The following NRXN3 variants were observed in gnomAD, a reference collection of about 807,000 sequenced individuals.
NRXN3 encodes neurexin III.
In NRXN3, 32 loss-of-function variants were observed where a neutral mutation model predicts 137.6. The ratio of observed to expected loss-of-function variants is 0.23; its 90% CI spans 0.18 to 0.31. NRXN3 has a LOEUF of 0.31. Ranked by LOEUF, NRXN3 falls within the 10% of genes least tolerant of loss-of-function variation. The pLI is 1.00. For missense variants in NRXN3, 1,574 were observed against 2,062.5 expected (o/e 0.76, Z 4.59); for synonymous variants, 798 against 784.5 (o/e 1.02, Z -0.29).
At chr14:79,661,137 C>T (rs1239433770) in intron 16 of NRXN3, among the ~76,000 whole-genome samples, 1 of 152,068 alleles carries the variant, frequency 6.6e-6, no homozygotes, top group Non-Finnish European at 1.5e-5. Context: ...TATATGCATG[C>T]ATATTTTAAA....
chr14:78,417,462 C>T (rs1033540868), intron 4 of NRXN3, among the ~76,000 whole-genome samples: 2 of 152,090 alleles, frequency 1.3e-5, no homozygotes, highest in African/African-American at 4.8e-5. Context: ...TGAGTCTCTC[C>T]CCTCATCATT....
intron 10 of NRXN3, among the ~76,000 whole-genome samples, chr14:78,891,611 A>C (rs2099159261): frequency 6.6e-6 from 1 of 151,976 alleles, no homozygotes; most frequent in Non-Finnish European, 1.5e-5. Context: ...ATTCACCACA[A>C]ATGAACACAG....
intron 4 of NRXN3, among the ~76,000 whole-genome samples, chr14:78,418,781 C>A (rs1304757148): frequency 2.0e-5 from 3 of 152,166 alleles, no homozygotes; most frequent in Admixed American, 6.5e-5. Context: ...ATGCCAGGCA[C>A]CATGCCAAGC....
At chr14:78,257,631 T>A (rs1203439717) in intron 2 of NRXN3, among the ~76,000 whole-genome samples, 3 of 152,244 alleles carry the variant, frequency 2.0e-5, no homozygotes, top group African/African-American at 4.8e-5. Context: ...GCTTGCTGTT[T>A]CCAGCTGTTT....
intron 8 of NRXN3, among the ~76,000 whole-genome samples, chr14:78,748,120 A>G (rs546182493): frequency 1.3e-5 from 2 of 152,246 alleles, no homozygotes; most frequent in East Asian, 3.9e-4. Flanking sequence ...TTTACTGAGT[A>G]TCTACTCTCT....
chr14:79,422,390 A>G (rs2095591250), intron 15 of NRXN3, among the ~76,000 whole-genome samples: 1 of 152,108 alleles, frequency 6.6e-6, no homozygotes. Flanking sequence ...AAGCTACTCC[A>G]TTCATTTGCT....
chr14:78,831,542 A>AC, intron 10 of NRXN3, among the ~76,000 whole-genome samples: 1 of 150,278 alleles, frequency 6.7e-6, no homozygotes, highest in African/African-American at 2.4e-5. Flanking sequence ...GTCAAAAAAA[A>AC]AAAAAAAAAA....
intron 15 of NRXN3, among the ~76,000 whole-genome samples, chr14:79,118,629 T>C (rs555514977): frequency 2.6e-4 from 39 of 152,378 alleles, no homozygotes; most frequent in Non-Finnish European, 4.3e-4. Context: ...TTTATTGTTA[T>C]AAACCATTTT....
intron 4 of NRXN3, among the ~76,000 whole-genome samples, chr14:78,484,973 A>G (rs529608329): frequency 2.0e-5 from 3 of 152,324 alleles, no homozygotes; most frequent in African/African-American, 7.2e-5. Context: ...CCTTGCCAGC[A>G]CACTCCTTTG....
intron 16 of NRXN3, among the ~76,000 whole-genome samples, chr14:79,541,175 C>T (rs1218649439): frequency 6.6e-6 from 1 of 152,120 alleles, no homozygotes. Context: ...CTTTGGGAGG[C>T]CAAGGCAGGC....
In NRXN3 at chr14:79,519,768, C is replaced by CTTTT. The variant is rs200757761; in HGVS notation, c.3444+52381_3444+52384dup. Among the ~76,000 whole-genome samples the CTTTT allele has an allele frequency of 4.8e-3, 569 of 119,340 alleles. 15 individuals carry two copies. In the South Asian group the frequency reaches 0.068, roughly 14 times the overall value. 78.3% of individuals were successfully genotyped at this position (119,340 alleles called of 152,430 possible). ...TCAGAAAATGTGTACAATAGTATTT[C>CTTTT]TTTTTTTTTTTTTTTTTTGAAAAAG... On this transcript the variant is annotated intron_variant, in intron 16 of 20. Transcript: ENST00000335750.
At chr14:79,193,439 A>C (rs2064691361) in intron 15 of NRXN3, among the ~76,000 whole-genome samples, 1 of 152,266 alleles carries the variant, frequency 6.6e-6, no homozygotes, top group Admixed American at 6.5e-5. Flanking sequence ...AGTGTCTTGG[A>C]ATCTGATTTA....
chr14:78,820,849 T>G (rs973989492), intron 10 of NRXN3, among the ~76,000 whole-genome samples: 1 of 152,124 alleles, frequency 6.6e-6, no homozygotes, highest in Non-Finnish European at 1.5e-5. Flanking sequence ...GTAATGGAGA[T>G]CATGTCCTCT....
At chr14:79,556,249 G>A (rs979004973) in intron 16 of NRXN3, among the ~76,000 whole-genome samples, 3 of 152,088 alleles carry the variant, frequency 2.0e-5, no homozygotes, top group Non-Finnish European at 2.9e-5. Context: ...TCTCTGAGTG[G>A]TATTTTATGT....
At chr14:79,356,407 C>T (rs959002792) in intron 15 of NRXN3, among the ~76,000 whole-genome samples, 3 of 152,134 alleles carry the variant, frequency 2.0e-5, no homozygotes, top group Admixed American at 6.5e-5. Context: ...TCCTGGAATG[C>T]ACAACTTTCT....
At chr14:78,318,976 C>T (rs1597274373) in intron 4 of NRXN3, among the ~76,000 whole-genome samples, 1 of 152,232 alleles carries the variant, frequency 6.6e-6, no homozygotes, top group African/African-American at 2.4e-5. Context: ...TGAGGTGGAG[C>T]CTAAGATTCT....
At chr14:78,315,511 G>A (rs2078601948) in intron 4 of NRXN3, among the ~76,000 whole-genome samples, 1 of 152,226 alleles carries the variant, frequency 6.6e-6, no homozygotes, top group African/African-American at 2.4e-5. Context: ...GAAAGGAAGT[G>A]TATGAGACTT....
intron 4 of NRXN3, among the ~76,000 whole-genome samples, chr14:78,471,788 G>T (rs772261316): frequency 2.0e-5 from 3 of 152,204 alleles, no homozygotes; most frequent in Non-Finnish European, 4.4e-5. Flanking sequence ...GTAAATTTAT[G>T]CACAGAGAGG....
intron 14 of NRXN3, among the ~76,000 whole-genome samples, chr14:78,978,101 T>G (rs1319229985): frequency 1.3e-5 from 2 of 152,164 alleles, no homozygotes; most frequent in African/African-American, 4.8e-5. Flanking sequence ...GCTCCAAATG[T>G]TAGATTTTAT....
Sources: allele counts gnomAD v4.1 joint callset (sites outside exome capture counted in the v4.1 genomes callset), GRCh38; gene constraint gnomAD v4.1.1; transcripts MANE v1.5; gene names NCBI Gene and HGNC (gene_info 2026-07-23, HGNC 2026-07-21).